The following IL1RAPL1 variants were observed in gnomAD, a reference collection of about 807,000 sequenced individuals.
IL1RAPL1 encodes interleukin-1 receptor accessory protein-like 1.
In IL1RAPL1, 3 loss-of-function variants were observed where a neutral mutation model predicts 48.4. The observed-to-expected ratio is 0.06, with a 90% confidence interval of 0.03 to 0.16. The LOEUF is 0.16. Among genes scored for constraint, IL1RAPL1 ranks in the 10% least tolerant of loss-of-function variants. IL1RAPL1 has a pLI of 1.00. For missense variants in IL1RAPL1, 349 were observed against 530.6 expected, an observed-to-expected ratio of 0.66 and a Z score of 3.36; for synonymous variants, 185 against 187.7, an observed-to-expected ratio of 0.99 and a Z score of 0.12.
At chrX:29,044,207 G>A (rs1393200855) in intron 2 of IL1RAPL1, among the ~76,000 whole-genome samples, 2 of 110,985 alleles carry the variant, frequency 1.8e-5, no homozygotes, top group Non-Finnish European at 3.8e-5. Context: ...CAAGGCAGGT[G>A]GATCACTTGA....
At chrX:29,167,454 A>T (rs1219971083) in intron 2 of IL1RAPL1, among the ~76,000 whole-genome samples, 1 of 108,866 alleles carries the variant, frequency 9.2e-6, no homozygotes, top group Non-Finnish European at 1.9e-5. Context: ...TTTTCCTTCT[A>T]TTTAATAAAA....
chrX:29,509,223 G>A (rs1160381587), intron 5 of IL1RAPL1, among the ~76,000 whole-genome samples: 1 of 112,221 alleles, frequency 8.9e-6, no homozygotes, highest in Non-Finnish European at 1.9e-5. Context: ...TGAAGCTGCA[G>A]TCTACAGATG....
chrX:29,915,753 A>ATTTTT (rs1932794545), intron 6 of IL1RAPL1, among the ~76,000 whole-genome samples: 3 of 31,312 alleles, frequency 9.6e-5, no homozygotes, highest in African/African-American at 4.2e-4. Context: ...TTTTATTTTT[A>ATTTTT]TTATTTTTAT....
intron 5 of IL1RAPL1, among the ~76,000 whole-genome samples, chrX:29,597,692 AG>A (rs1448807537): frequency 2.7e-5 from 3 of 111,974 alleles, no homozygotes; most frequent in African/African-American, 9.7e-5. Context: ...GCAGTTCTTA[AG>A]TTACATTTCA....
chrX:29,659,568 T>C (rs1925780303), intron 5 of IL1RAPL1, among the ~76,000 whole-genome samples: 1 of 112,325 alleles, frequency 8.9e-6, no homozygotes, highest in Admixed American at 9.4e-5. Flanking sequence ...TTTTTGATAA[T>C]AAATAGCATT....
chrX:29,821,321 G>C (rs1930611218), intron 6 of IL1RAPL1, among the ~76,000 whole-genome samples: 1 of 110,223 alleles, frequency 9.1e-6, no homozygotes, highest in African/African-American at 3.3e-5. Flanking sequence ...GTGGTGGTGG[G>C]CACCTGTAGT....
intron 9 of IL1RAPL1, among the ~76,000 whole-genome samples, chrX:29,945,135 CCT>C (rs1416636560): frequency 7.2e-5 from 8 of 111,742 alleles, no homozygotes; most frequent in African/African-American, 9.7e-5. Context: ...ATCCTCTTCT[CCT>C]CTCTGTGGCC....
intron 3 of IL1RAPL1, among the ~76,000 whole-genome samples, chrX:29,375,159 A>T (rs1602202313): frequency 1.3e-5 from 1 of 76,000 alleles, no homozygotes. Flanking sequence ...ATTGGGAGCA[A>T]TTTTTTTTTT....
intron 2 of IL1RAPL1, among the ~76,000 whole-genome samples, chrX:29,240,909 G>A (rs1416459100): frequency 8.9e-6 from 1 of 112,208 alleles, no homozygotes; most frequent in Non-Finnish European, 1.9e-5. Context: ...ATTTTCCTGT[G>A]AGCCACTAAC....
chrX:28,969,493 T>C (rs1925002827), intron 2 of IL1RAPL1, among the ~76,000 whole-genome samples: 1 of 109,556 alleles, frequency 9.1e-6, no homozygotes, highest in African/African-American at 3.3e-5. Context: ...AGTGTAGGCA[T>C]TTTTGCTCAG....
intron 3 of IL1RAPL1, among the ~76,000 whole-genome samples, chrX:29,303,080 G>A (rs753966838): frequency 1.8e-5 from 2 of 111,778 alleles, no homozygotes; most frequent in Non-Finnish European, 3.8e-5. Flanking sequence ...TAGCATTTCT[G>A]GCTTGCCCTT....
chrX:29,561,565 A>T (rs1922195869), intron 5 of IL1RAPL1, among the ~76,000 whole-genome samples: 1 of 112,038 alleles, frequency 8.9e-6, no homozygotes. Context: ...CTCTTGGGCA[A>T]CATTCTGACT....
At chrX:29,573,847 T>C (rs1157025366) in intron 5 of IL1RAPL1, among the ~76,000 whole-genome samples, 1 of 111,969 alleles carries the variant, frequency 8.9e-6, no homozygotes, top group Non-Finnish European at 1.9e-5. Context: ...TCAACTATTT[T>C]ATGATAAAAA....
intron 3 of IL1RAPL1, among the ~76,000 whole-genome samples, chrX:29,340,342 A>G (rs753352561): frequency 6.3e-5 from 7 of 110,518 alleles, no homozygotes; most frequent in Admixed American, 3.9e-4. Context: ...CATCTCTCCC[A>G]CTTCCCCTAC....
chrX:29,812,227 G>T (rs1163690464), intron 6 of IL1RAPL1, among the ~76,000 whole-genome samples: 1 of 112,381 alleles, frequency 8.9e-6, no homozygotes, highest in East Asian at 2.8e-4. Flanking sequence ...AAGATTCGAA[G>T]AGAATGAAAT....
rs553705603 is a variant in IL1RAPL1, at chrX:28,847,931, C to T, written c.82+58506C>T. 6.2e-5 allele frequency among the ~76,000 whole-genome samples: 7 copies of T among 112,118 alleles called. No individual in the cohort carries two copies. The South Asian group carries it at 2.6e-3, about 41-fold the overall frequency. On this transcript the variant is annotated intron_variant, in intron 2 of 10. Coordinates refer to ENST00000378993, the MANE Select transcript of IL1RAPL1 (RefSeq NM_014271.4). ...TGTCTGTTTTGTTCACTATTATATC[C>T]TGCATGCCTACAAAAGGCCCTGCTT...
intron 6 of IL1RAPL1, among the ~76,000 whole-genome samples, chrX:29,904,017 A>G (rs1308669231): frequency 8.9e-6 from 1 of 112,457 alleles, no homozygotes; most frequent in Non-Finnish European, 1.9e-5. Flanking sequence ...AGGAAAACAA[A>G]GAAACAAAAT....
At chrX:29,039,326 A>G (rs907713692) in intron 2 of IL1RAPL1, among the ~76,000 whole-genome samples, 2 of 111,557 alleles carry the variant, frequency 1.8e-5, no homozygotes, top group African/African-American at 6.5e-5. Context: ...TGGAGTTCAT[A>G]ATAAATGCTT....
At chrX:28,707,027 A>T (rs763639308) in intron 1 of IL1RAPL1, among the ~76,000 whole-genome samples, 1 of 112,443 alleles carries the variant, frequency 8.9e-6, no homozygotes, top group Non-Finnish European at 1.9e-5. Context: ...TTAGTTAGCA[A>T]ACAGAACCTG....
Sources: allele counts gnomAD v4.1 joint callset (sites outside exome capture counted in the v4.1 genomes callset), GRCh38; gene constraint gnomAD v4.1.1; transcripts MANE v1.5; gene names NCBI Gene and HGNC (gene_info 2026-07-23, HGNC 2026-07-21).